The following POC1A variants were observed in gnomAD, a reference collection of about 807,000 sequenced individuals.
POC1A encodes POC1 centriolar protein A.
POC1A carries 34 observed loss-of-function variants against 47.8 expected under a neutral mutation model. That is an observed-to-expected ratio of 0.71 (90% CI 0.54 to 0.95). The LOEUF is 0.95. Ranked by LOEUF, POC1A falls within the 40% of genes least tolerant of loss-of-function variation. POC1A has a pLI of 0.00. For missense variants in POC1A, 466 were observed against 528.3 expected (o/e 0.88, Z 1.16); for synonymous variants, 177 against 207.6 (o/e 0.85, Z 1.27).
At chr3:52,119,192 C>T (rs1703677858) in intron 9 of POC1A, among the ~76,000 whole-genome samples, 1 of 151,982 alleles carries the variant, frequency 6.6e-6, no homozygotes, top group African/African-American at 2.4e-5. Context: ...AGTCCTCGTC[C>T]GCATGCCCAG....
At chr3:52,092,423 C>G (rs192287113) in intron 10 of POC1A, among the ~76,000 whole-genome samples, 5 of 152,320 alleles carry the variant, frequency 3.3e-5, no homozygotes, top group South Asian at 4.1e-4. Context: ...TCAGGATCAC[C>G]TGGCCTCCTG....
At chr3:52,116,223 C>G (rs1162533149) in intron 9 of POC1A, among the ~76,000 whole-genome samples, 2 of 152,166 alleles carry the variant, frequency 1.3e-5, no homozygotes, top group African/African-American at 2.4e-5. Context: ...CAGGGTCCCA[C>G]AAATCCCTAA....
chr3:52,131,729 G>C (rs953059582), intron 7 of POC1A, among the ~76,000 whole-genome samples: 6 of 152,210 alleles, frequency 3.9e-5, no homozygotes, highest in Non-Finnish European at 8.8e-5. Context: ...CCAGGGGACA[G>C]ATTCCATGAG....
chr3:52,118,661 C>T (rs532695555), intron 9 of POC1A, among the ~76,000 whole-genome samples: 17 of 152,322 alleles, frequency 1.1e-4, no homozygotes, highest in East Asian at 9.7e-4. Flanking sequence ...CTCTGGCTTT[C>T]GACTGCTACG....
intron 6 of POC1A, among the ~76,000 whole-genome samples, chr3:52,142,795 A>G (rs1698240392): frequency 6.6e-6 from 1 of 152,146 alleles, no homozygotes; most frequent in African/African-American, 2.4e-5. Context: ...ATGAGCCTCC[A>G]AAGAGATTCC....
chr3:52,149,206 T>C lies in POC1A; in HGVS notation c.455+4A>G. 1 of 1,613,838 alleles carries C rather than the reference T, an allele frequency of 6.2e-7. No homozygotes were observed. Among genetic ancestry groups the C allele is most frequent in the South Asian group, 1.1e-5 (1 of 91,072 alleles). ...CAAGGGTCTCCAGACAGAACAATGCTCACTTGGCACAGCGGACCCAGTTGA... is the reference window on the plus strand; with the variant it reads ...CAAGGGTCTCCAGACAGAACAATGCCCACTTGGCACAGCGGACCCAGTTGA... On this transcript the variant is annotated splice_donor_region_variant and intron_variant, in intron 4 of 10. Coordinates refer to ENST00000296484, the MANE Select transcript of POC1A (RefSeq NM_015426.5).
intron 1 of POC1A, among the ~76,000 whole-genome samples, chr3:52,154,120 G>A (rs1698645323): frequency 1.3e-5 from 2 of 152,256 alleles, no homozygotes; most frequent in East Asian, 1.9e-4. Flanking sequence ...GCAAACTATG[G>A]AGGCAGAGGC....
At chr3:52,144,888 G>A (rs1195008349) in intron 6 of POC1A, among the ~76,000 whole-genome samples, 1 of 152,162 alleles carries the variant, frequency 6.6e-6, no homozygotes, top group Non-Finnish European at 1.5e-5. Context: ...GGGTGGGTGG[G>A]GTCGGAACCC....
intron 7 of POC1A, among the ~76,000 whole-genome samples, chr3:52,133,544 C>T (rs1264448933): frequency 1.3e-5 from 2 of 152,118 alleles, no homozygotes; most frequent in Non-Finnish European, 2.9e-5. Context: ...GCCCTCAACA[C>T]CAGCACACAG....
intron 7 of POC1A, among the ~76,000 whole-genome samples, chr3:52,127,985 C>T (rs1402128850): frequency 1.3e-5 from 2 of 152,164 alleles, no homozygotes; most frequent in Admixed American, 6.5e-5. Context: ...CATGAGCCAC[C>T]GCACCTGGCC....
intron 9 of POC1A, among the ~76,000 whole-genome samples, chr3:52,112,585 T>C (rs1319969493): frequency 1.3e-5 from 2 of 152,130 alleles, no homozygotes; most frequent in African/African-American, 2.4e-5. Flanking sequence ...GAGGTTGCAG[T>C]GAGCCGAGAT....
chr3:52,102,250 C>T (rs1703029912), intron 9 of POC1A, among the ~76,000 whole-genome samples: 1 of 152,084 alleles, frequency 6.6e-6, no homozygotes, highest in African/African-American at 2.4e-5. Context: ...TAATAGTTTC[C>T]TAGGGCTGCT....
intron 7 of POC1A, among the ~76,000 whole-genome samples, chr3:52,135,531 A>G (rs1183115435): frequency 1.3e-5 from 2 of 152,160 alleles, no homozygotes; most frequent in Non-Finnish European, 2.9e-5. Context: ...GGATGACAGG[A>G]GTGAGCTACC....
At chr3:52,148,420 G>A (rs2107200410) in intron 4 of POC1A, among the ~76,000 whole-genome samples, 1 of 152,328 alleles carries the variant, frequency 6.6e-6, no homozygotes, top group Middle Eastern at 3.4e-3. Flanking sequence ...TGACTCATGT[G>A]GTTTCCTAAT....
intron 7 of POC1A, among the ~76,000 whole-genome samples, chr3:52,127,701 T>C (rs1324429939): frequency 1.4e-5 from 2 of 146,322 alleles, no homozygotes; most frequent in Non-Finnish European, 3.0e-5. Flanking sequence ...TCACAAACCT[T>C]TTTTTTTTTT....
At chr3:52,103,575 A>T (rs1465028778) in intron 9 of POC1A, among the ~76,000 whole-genome samples, 1 of 152,144 alleles carries the variant, frequency 6.6e-6, no homozygotes, top group African/African-American at 2.4e-5. Context: ...TATAAAACTG[A>T]TACACATTTT....
chr3:52,141,056 C>T (rs1339376489), intron 6 of POC1A, among the ~76,000 whole-genome samples: 1 of 152,200 alleles, frequency 6.6e-6, no homozygotes, highest in African/African-American at 2.4e-5. Context: ...GCTCTTATCC[C>T]ATCTCCACTC....
intron 6 of POC1A, among the ~76,000 whole-genome samples, chr3:52,138,968 A>C (rs892976503): frequency 1.3e-4 from 20 of 152,088 alleles, no homozygotes; most frequent in African/African-American, 4.8e-4. Flanking sequence ...TGAGTAGCTG[A>C]GACTACAGGT....
chr3:52,082,406 G>GT (rs1702328336), intron 10 of POC1A, among the ~76,000 whole-genome samples: 1 of 152,188 alleles, frequency 6.6e-6, no homozygotes, highest in South Asian at 2.1e-4. Context: ...CAAGAGCATG[G>GT]TGACAGGCTA....
Sources: gnomAD v4.1 joint callset for allele counts (sites outside exome capture counted in the v4.1 genomes callset) on GRCh38, gnomAD v4.1.1 for gene constraint, MANE v1.5 for transcripts, NCBI Gene and HGNC (gene_info 2026-07-23, HGNC 2026-07-21) for gene names.